Variants in MED27 observed in about 807,000 individuals in gnomAD.
The protein encoded by MED27 is mediator complex subunit 27.
MED27 carries 30 observed loss-of-function variants against 38.2 expected under a neutral mutation model. The ratio of observed to expected loss-of-function variants is 0.79; its 90% CI spans 0.59 to 1.07. The LOEUF (loss-of-function observed/expected upper bound fraction) is 1.07. Ranked by LOEUF, MED27 falls within the 50% of genes least tolerant of loss-of-function variation. MED27 has a pLI of 0.00. For synonymous variants in MED27, 122 were observed against 153.5 expected, an observed-to-expected ratio of 0.79 and a Z score of 1.52; for missense variants, 289 against 397.5, an observed-to-expected ratio of 0.73 and a Z score of 2.32.
intron 2 of MED27, among the ~76,000 whole-genome samples, chr9:132,057,663 G>C (rs1247666255): frequency 2.6e-5 from 4 of 152,152 alleles, no homozygotes; most frequent in Non-Finnish European, 5.9e-5. Context: ...ACTCACCGAG[G>C]GAGTGACTAG....
chr9:132,057,578 G>A (rs994451788), intron 2 of MED27, among the ~76,000 whole-genome samples: 1 of 152,228 alleles, frequency 6.6e-6, no homozygotes, highest in Non-Finnish European at 1.5e-5. Context: ...GAATAACTTA[G>A]TGGGACCTCC....
At chr9:132,024,305 T>C (rs1242260748) in intron 2 of MED27, among the ~76,000 whole-genome samples, 2 of 152,188 alleles carry the variant, frequency 1.3e-5, no homozygotes, top group Non-Finnish European at 2.9e-5. Context: ...TGGGGGGCAG[T>C]ATTGTTGGCC....
chr9:131,999,896 A>C (rs914869026), intron 3 of MED27, among the ~76,000 whole-genome samples: 3 of 152,090 alleles, frequency 2.0e-5, no homozygotes, highest in Non-Finnish European at 1.5e-5. Flanking sequence ...GTTCCAGCCC[A>C]CAACTACTGT....
intron 3 of MED27, among the ~76,000 whole-genome samples, chr9:131,973,873 G>C (rs114175355): frequency 0.041 from 6,194 of 149,582 alleles, 370 homozygotes; most frequent in African/African-American, 0.12. Context: ...ACGCGCGGCT[G>C]ATTTTTTCTA....
intron 5 of MED27, among the ~76,000 whole-genome samples, chr9:131,893,201 C>G (rs1260106679): frequency 1.3e-5 from 2 of 152,092 alleles, no homozygotes; most frequent in African/African-American, 2.4e-5. Context: ...AGGCTCCGTG[C>G]TGAGAGTGGC....
At chr9:132,066,093 G>A (rs1266971384) in intron 2 of MED27, among the ~76,000 whole-genome samples, 2 of 152,200 alleles carry the variant, frequency 1.3e-5, no homozygotes, top group Non-Finnish European at 2.9e-5. Context: ...TGTACTCAGT[G>A]CCAGGCATGC....
intron 2 of MED27, among the ~76,000 whole-genome samples, chr9:132,036,183 T>C (rs1184095591): frequency 6.6e-6 from 1 of 152,136 alleles, no homozygotes. Context: ...TGCAGGTCTT[T>C]TGGTTTATAT....
At chr9:131,918,638 C>T (rs1486078371) in intron 4 of MED27, among the ~76,000 whole-genome samples, 2 of 151,772 alleles carry the variant, frequency 1.3e-5, no homozygotes, top group Non-Finnish European at 2.9e-5. Context: ...AATGCCCAAG[C>T]ATTTTTTTTT....
At chr9:132,066,464 A>T (rs1325458551) in intron 2 of MED27, among the ~76,000 whole-genome samples, 1 of 152,214 alleles carries the variant, frequency 6.6e-6, no homozygotes, top group East Asian at 1.9e-4. Flanking sequence ...AAAAGACAAC[A>T]AAGTTCTTGA....
In MED27 at chr9:131,863,077, C is replaced by A; in HGVS notation, c.787G>T (p.Val263Phe). The A allele has an allele frequency of 6.2e-7, 1 of 1,614,120 alleles. No individual in the cohort carries two copies. Among genetic ancestry groups the A allele is most frequent in the Non-Finnish European group, 8.5e-7 (1 of 1,180,002 alleles). Reference protein sequence around the residue: ...YQLPQMPDVVVRSFMTWLRSY... With the variant: ...YQLPQMPDVVFRSFMTWLRSY... Reference sequence around the variant, plus strand: ...AAGCCACTTACCATGAAGGATCGGACCACGACATCCGGCATCTGGGGCAGC... The same window carrying A: ...AAGCCACTTACCATGAAGGATCGGAACACGACATCCGGCATCTGGGGCAGC... The change falls in exon 7 of 8, where the codon GTC becomes TTC. Residue 263 changes from valine to phenylalanine, a missense_variant. By Grantham distance (50) the Val-to-Phe change is conservative. Transcript: ENST00000292035.
chr9:131,912,030 G>C (rs576602372), intron 4 of MED27, among the ~76,000 whole-genome samples: 2 of 152,258 alleles, frequency 1.3e-5, no homozygotes, highest in African/African-American at 2.4e-5. Flanking sequence ...GGCCTGAAAA[G>C]TCCAGAAAGG....
intron 2 of MED27, among the ~76,000 whole-genome samples, chr9:132,076,430 TC>T (rs1834049646): frequency 6.6e-6 from 1 of 152,072 alleles, no homozygotes; most frequent in Admixed American, 6.5e-5. Context: ...CTCCCACGGT[TC>T]CACTTCAAAC....
intron 2 of MED27, among the ~76,000 whole-genome samples, chr9:132,028,387 C>T (rs969723015): frequency 6.6e-6 from 1 of 152,242 alleles, no homozygotes; most frequent in South Asian, 2.1e-4. Context: ...TCCCTGTCTC[C>T]CATACCTTAG....
Position 131,860,754 on chromosome 9 carries a change from C to A in MED27, c.802-82G>T. 6.6e-7 allele frequency: 1 copy of A among 1,516,490 alleles called. No homozygotes were observed. The highest frequency in any genetic ancestry group is 9.0e-7 in the Non-Finnish European group (1 of 1,116,646). The allele number at this position is 1,516,490 out of a possible 1,614,324, so 93.9% of individuals were successfully genotyped here. On this transcript the variant is annotated intron_variant, in intron 7 of 7. Transcript: ENST00000292035. The surrounding 1 kb of genome is among the most constrained non-coding windows in gnomAD (Gnocchi z 5.8). ...CCTCCTTCCTATCAAGCCTAATGGC[C>A]CAGACAACTTAAGTTGGCTTTGGCC...
At chr9:132,061,625 T>C (rs951334853) in intron 2 of MED27, among the ~76,000 whole-genome samples, 4 of 152,178 alleles carry the variant, frequency 2.6e-5, no homozygotes, top group Non-Finnish European at 5.9e-5. Flanking sequence ...ATTTTACAGA[T>C]CAGGAAACAG....
chr9:131,991,752 C>T (rs1195371799), intron 3 of MED27, among the ~76,000 whole-genome samples: 8 of 152,158 alleles, frequency 5.3e-5, no homozygotes, highest in Non-Finnish European at 8.8e-5. Flanking sequence ...GACGGAGTCT[C>T]GCTCTGTTGC....
chr9:131,944,377 C>T (rs1259297287), intron 3 of MED27, among the ~76,000 whole-genome samples: 1 of 152,110 alleles, frequency 6.6e-6, no homozygotes, highest in Non-Finnish European at 1.5e-5. Context: ...GTTTCAAATC[C>T]ACTTACTAGT....
chr9:131,885,419 A>C (rs539927020), intron 5 of MED27, among the ~76,000 whole-genome samples: 97 of 152,300 alleles, frequency 6.4e-4, no homozygotes, highest in African/African-American at 2.3e-3. Flanking sequence ...AGAGTATTGA[A>C]TCAATGGCTG....
chr9:132,054,633 C>T (rs1833537377), intron 2 of MED27, among the ~76,000 whole-genome samples: 1 of 152,064 alleles, frequency 6.6e-6, no homozygotes, highest in Non-Finnish European at 1.5e-5. Flanking sequence ...AGGTCTCAAA[C>T]TCCTGGGATC....
Sources: allele counts gnomAD v4.1 joint callset (sites outside exome capture counted in the v4.1 genomes callset), GRCh38; gene constraint gnomAD v4.1.1; non-coding constraint Gnocchi (gnomAD v3.1); transcripts MANE v1.5; gene names NCBI Gene and HGNC (gene_info 2026-07-23, HGNC 2026-07-21).